TTLL5: variants seen among roughly 807,000 people sequenced by gnomAD.
TTLL5 encodes the protein tubulin tyrosine ligase like 5.
TTLL5 carries 132 observed loss-of-function variants against 168.4 expected under a neutral mutation model. The observed-to-expected ratio is 0.78, with a 90% CI of 0.68 to 0.91. The LOEUF is 0.91. Among genes scored for constraint, TTLL5 ranks in the 40% least tolerant of loss-of-function variants. The pLI is 0.00. For missense variants in TTLL5, 1,545 were observed against 1,581.5 expected, an observed-to-expected ratio of 0.98 and a Z score of 0.39; for synonymous variants, 546 against 558.6, an observed-to-expected ratio of 0.98 and a Z score of 0.32.
intron 28 of TTLL5, among the ~76,000 whole-genome samples, chr14:75,850,113 A>T (rs1896764875): frequency 6.6e-6 from 1 of 151,924 alleles, no homozygotes; most frequent in African/African-American, 2.4e-5. Context: ...AAAAATAAAA[A>T]AAAAAATCTG....
At chr14:75,723,981 C>G (rs1888016791) in intron 12 of TTLL5, among the ~76,000 whole-genome samples, 1 of 151,074 alleles carries the variant, frequency 6.6e-6, no homozygotes, top group Non-Finnish European at 1.5e-5. Flanking sequence ...CTCCTAACTT[C>G]CCCTGGGGTT....
chr14:75,929,561 C>T (rs2034204906), intron 31 of TTLL5, among the ~76,000 whole-genome samples: 2 of 146,940 alleles, frequency 1.4e-5, no homozygotes, highest in Middle Eastern at 3.6e-3. Flanking sequence ...AAGCAATTCT[C>T]TCTGCCTCAG....
In TTLL5 at chr14:75,783,335, C is replaced by T; in HGVS notation, c.2791C>T (p.Gln931Ter). Residue 931 changes from glutamine (Q) to a stop codon, truncating the protein, a stop_gained, in exon 26 of 32, where the codon CAG becomes TAG. Transcript: ENST00000298832. LOFTEE classifies it high-confidence loss of function. ...TTCAGCTATCCCCAGCATGCCTCAC[C>T]AGCCAACAATTTTACTGAACACAGT... ...IPSAIPSMPH[Q>*]PTILLNTVSA... 1.9e-6 allele frequency: 3 copies of T among 1,614,166 alleles called. No individual in the cohort carries two copies. Among genetic ancestry groups the T allele is most frequent in the Non-Finnish European group, 2.5e-6 (3 of 1,180,018 alleles).
chr14:75,679,514 A>G (rs1884439806), intron 3 of TTLL5, among the ~76,000 whole-genome samples: 1 of 152,216 alleles, frequency 6.6e-6, no homozygotes, highest in South Asian at 2.1e-4. Flanking sequence ...AATGTGTTGT[A>G]ATTTGTCACA....
rs781557873 is a variant in TTLL5 at position 75,783,342 on chromosome 14, C to T, written c.2798C>T (p.Thr933Ile). Reference sequence around the variant, plus strand: ...ATCCCCAGCATGCCTCACCAGCCAACAATTTTACTGAACACAGTCTCTGCC... The same window carrying T: ...ATCCCCAGCATGCCTCACCAGCCAATAATTTTACTGAACACAGTCTCTGCC... ...SAIPSMPHQP[T>I]ILLNTVSASA... Residue 933 changes from threonine to isoleucine, a missense_variant, in exon 26 of 32, where the codon ACA becomes ATA. By Grantham distance (89) the Thr-to-Ile change is moderately conservative (BLOSUM62 -1). Coordinates refer to ENST00000298832, the MANE Select transcript of TTLL5 (RefSeq NM_015072.5). The T allele has an allele frequency of 4.3e-6, 7 of 1,614,160 alleles. No homozygotes were observed. The South Asian group carries it at 5.5e-5, about 13-fold the overall frequency.
intron 18 of TTLL5, among the ~76,000 whole-genome samples, chr14:75,760,655 G>A (rs373269268): frequency 1.3e-5 from 2 of 151,992 alleles, no homozygotes; most frequent in East Asian, 3.9e-4. Flanking sequence ...ACATTTATAT[G>A]GTCAAAGTAA....
In TTLL5 at chr14:75,735,408, A is replaced by G. The variant is rs564571353; in HGVS notation, c.1281+119A>G. 574 of 921,314 alleles carry G rather than the reference A, an allele frequency of 6.2e-4. 3 individuals carry two copies. The highest frequency in any genetic ancestry group is 5.1e-4 in the South Asian group (37 of 73,194). The allele number at this position is 921,314 out of a possible 1,614,324, so 57.1% of individuals were successfully genotyped here. On this transcript the variant is annotated intron_variant, in intron 15 of 31. Transcript: ENST00000298832. ...TCACTTAGAGCAGGAGAATTTGGGG[A>G]TCACTCTAGACAGGAGGCAGTTATA...
intron 28 of TTLL5, among the ~76,000 whole-genome samples, chr14:75,846,348 T>G (rs1036868165): frequency 6.6e-6 from 1 of 152,222 alleles, no homozygotes; most frequent in Non-Finnish European, 1.5e-5. Flanking sequence ...TGATGAATTT[T>G]TACAATGGCC....
intron 15 of TTLL5, among the ~76,000 whole-genome samples, chr14:75,737,409 A>G (rs1181625308): frequency 6.6e-6 from 1 of 152,108 alleles, no homozygotes; most frequent in East Asian, 1.9e-4. Flanking sequence ...AAAGAAAATA[A>G]ATGTTCTAAC....
At chr14:75,853,684 A>G (rs1414620569) in intron 28 of TTLL5, among the ~76,000 whole-genome samples, 1 of 152,256 alleles carries the variant, frequency 6.6e-6, no homozygotes, top group Non-Finnish European at 1.5e-5. Flanking sequence ...ATAAGTGAAA[A>G]TGCTGTAACT....
intron 31 of TTLL5, chr14:75,906,517 T>C (rs1344255211): frequency 8.1e-6 from 8 of 985,702 alleles, no homozygotes; most frequent in Non-Finnish European, 9.6e-6. Context: ...CAAAATCAAA[T>C]GTAGTGTTAA....
rs1005465750 is a variant in TTLL5, at chr14:75,701,024, T to C, written c.585+1754T>C. Among the ~76,000 whole-genome samples the C allele has an allele frequency of 5.9e-5, 9 of 151,850 alleles. No individual in the cohort carries two copies. In the East Asian group the frequency reaches 1.7e-3, roughly 29 times the overall value. On this transcript the variant is annotated intron_variant, in intron 7 of 31. Coordinates refer to ENST00000298832, the MANE Select transcript of TTLL5 (RefSeq NM_015072.5). ...TCTTTTTTGAGGCATTCTAGATCTT[T>C]CCTTCATGTTAACTTTTCTCGCATT...
intron 2 of TTLL5, among the ~76,000 whole-genome samples, chr14:75,667,286 G>A (rs1436150775): frequency 2.6e-5 from 4 of 152,206 alleles, no homozygotes; most frequent in Non-Finnish European, 5.9e-5. Flanking sequence ...GCATAGTGGT[G>A]CCAGCTGGTA....
At chr14:75,932,484 T>C (rs1173011960) in intron 31 of TTLL5, among the ~76,000 whole-genome samples, 1 of 152,228 alleles carries the variant, frequency 6.6e-6, no homozygotes, top group Non-Finnish European at 1.5e-5. Flanking sequence ...CTACTTCTCA[T>C]TCATCCCAAC....
At chr14:75,693,089 G>A (rs919630802) in intron 6 of TTLL5, among the ~76,000 whole-genome samples, 1 of 152,194 alleles carries the variant, frequency 6.6e-6, no homozygotes, top group African/African-American at 2.4e-5. Context: ...AGAAGGGTGA[G>A]CATTTGAAAG....
At chr14:75,664,316 A>T (rs1236978268) in intron 2 of TTLL5, among the ~76,000 whole-genome samples, 2 of 152,156 alleles carry the variant, frequency 1.3e-5, no homozygotes, top group Non-Finnish European at 2.9e-5. Context: ...TGCCTCCTTT[A>T]ATTATTGCTT....
intron 9 of TTLL5, chr14:75,711,468 T>A (rs1317767475): frequency 6.6e-6 from 1 of 152,122 alleles, no homozygotes; most frequent in Non-Finnish European, 1.5e-5. Context: ...GAGCCCTTTC[T>A]GAGATGAAGC....
rs1037029832 is a variant in TTLL5, at chr14:75,820,201, G to C, written c.3326+40G>C. The C allele has an allele frequency of 1.1e-5, 17 of 1,525,570 alleles. No individual in the cohort carries two copies. The African/African-American group carries it at 2.1e-4, about 19-fold the overall frequency. 94.5% of individuals were successfully genotyped at this position (1,525,570 alleles called of 1,614,324 possible). A position where few individuals can be genotyped will look rare whatever the true frequency, so the allele number is the denominator to read the frequency against. On this transcript the variant is annotated intron_variant, in intron 28 of 31. Coordinates refer to ENST00000298832, the MANE Select transcript of TTLL5 (RefSeq NM_015072.5). ...CTGCAACTAGCATTTGGGTTACTCA[G>C]GGATGGCCTGTGTCCCAAGCAAGCC...
intron 28 of TTLL5, among the ~76,000 whole-genome samples, chr14:75,859,153 C>T (rs1460047311): frequency 6.6e-6 from 1 of 152,210 alleles, no homozygotes; most frequent in African/African-American, 2.4e-5. Context: ...ATGGAGAGTG[C>T]AACTTCCATT....
Sources: allele counts gnomAD v4.1 joint callset (sites outside exome capture counted in the v4.1 genomes callset), GRCh38; gene constraint gnomAD v4.1.1; transcripts MANE v1.5; gene names NCBI Gene and HGNC (gene_info 2026-07-23, HGNC 2026-07-21).